TBC1D12: variants seen among roughly 807,000 people sequenced by gnomAD.
The protein encoded by TBC1D12 is TBC1 domain family member 12, also known as TBC1 domain family, member 12.
TBC1D12 carries 56 observed loss-of-function variants against 86.7 expected under a neutral mutation model. The ratio of observed to expected loss-of-function variants is 0.65; its 90% CI spans 0.52 to 0.81. The LOEUF (loss-of-function observed/expected upper bound fraction) is 0.81. TBC1D12 is among the 30% of genes least tolerant of loss of function. The pLI is 0.00. For missense variants in TBC1D12, 1,023 were observed against 1,038.8 expected, an observed-to-expected ratio of 0.98 and a Z score of 0.21; for synonymous variants, 421 against 411.7, an observed-to-expected ratio of 1.02 and a Z score of -0.27.
At chr10:94,403,878 G>C (rs2054812322) in intron 1 of TBC1D12, among the ~76,000 whole-genome samples, 1 of 152,220 alleles carries the variant, frequency 6.6e-6, no homozygotes, top group South Asian at 2.1e-4. Flanking sequence ...TGAGCAGTCA[G>C]GTTGGGCCAG....
At chr10:94,444,812 A>G (rs994519076) in intron 2 of TBC1D12, among the ~76,000 whole-genome samples, 10 of 150,374 alleles carry the variant, frequency 6.7e-5, no homozygotes, top group Non-Finnish European at 1.3e-4. Flanking sequence ...GCTCACTGCA[A>G]TCTCCGCCAC....
At chr10:94,510,978 CA>C (rs2056519110) in intron 8 of TBC1D12, among the ~76,000 whole-genome samples, 1 of 151,820 alleles carries the variant, frequency 6.6e-6, no homozygotes, top group African/African-American at 2.4e-5. Flanking sequence ...GTGTATTCAT[CA>C]TACCCTTATA....
intron 6 of TBC1D12, among the ~76,000 whole-genome samples, chr10:94,503,064 C>T (rs2056419234): frequency 6.6e-6 from 1 of 152,078 alleles, no homozygotes; most frequent in Non-Finnish European, 1.5e-5. Context: ...CTGTGGCTTT[C>T]TTTCTTCACA....
At chr10:94,443,323 T>G (rs1172063025) in intron 2 of TBC1D12, among the ~76,000 whole-genome samples, 6 of 152,200 alleles carry the variant, frequency 3.9e-5, no homozygotes, top group Admixed American at 3.9e-4. Context: ...ATTTCTTTTT[T>G]CAAGAGACTT....
intron 11 of TBC1D12, among the ~76,000 whole-genome samples, chr10:94,529,595 G>A (rs12571659): frequency 0.2 from 31,110 of 151,940 alleles, 3,326 homozygotes; most frequent in South Asian, 0.34. Flanking sequence ...TCCAGCCTGA[G>A]CAACAAGAGC....
chr10:94,454,230 T>C (rs1374494472), intron 2 of TBC1D12, among the ~76,000 whole-genome samples: 6 of 152,298 alleles, frequency 3.9e-5, no homozygotes, highest in East Asian at 1.9e-4. Context: ...TTGAGTCTTC[T>C]TTTCTTTTGA....
At chr10:94,482,871 C>G (rs1326636726) in intron 3 of TBC1D12, among the ~76,000 whole-genome samples, 1 of 152,026 alleles carries the variant, frequency 6.6e-6, no homozygotes, top group African/African-American at 2.4e-5. Flanking sequence ...AATTGTTTTA[C>G]TTTTTAGCTC....
chr10:94,402,852 A>C lies in TBC1D12; in HGVS notation c.239A>C (p.Gln80Pro), dbSNP rs894935646. 2 of 1,533,676 alleles carry C rather than the reference A, an allele frequency of 1.3e-6. No individual in the cohort carries two copies. The part of the protein sequence containing the change: ...LQRYLAAAGE[Q>P]LEPGLCYCPL... ...CGTTACCTCGCGGCGGCCGGGGAGC[A>C]GCTGGAGCCGGGGCTCTGCTACTGT... The change falls in exon 1 of 13, where the codon CAG becomes CCG. Residue 80 changes from glutamine to proline, a missense_variant. Physicochemically the swap from Gln to Pro is moderately conservative, Grantham distance 76. This residue lies in a region of TBC1D12 where 628 missense variants were observed against 531.1 expected (regional missense o/e 1.18). Coordinates refer to ENST00000225235, the MANE Select transcript of TBC1D12 (RefSeq NM_015188.2).
At position 94,533,036 on chromosome 10, in the gene TBC1D12, A is replaced by G; in HGVS notation, c.2268A>G (p.Ala756=). 2 of 1,572,900 alleles carry G rather than the reference A, an allele frequency of 1.3e-6. No homozygotes were observed. The highest frequency in any genetic ancestry group is 2.3e-5 in the South Asian group (2 of 85,812). Residue 756 remains alanine (A), a synonymous_variant, in exon 13 of 13, where the codon GCA becomes GCG. Coordinates refer to ENST00000225235, the MANE Select transcript of TBC1D12 (RefSeq NM_015188.2). ...TTTTATATAATTTTCAGGTCTTTGC[A>G]TCTGTAATGAAGGATATTAAAGAAG... ...NSTKKWTQVF[A]SVMKDIKEGD...
intron 4 of TBC1D12, among the ~76,000 whole-genome samples, chr10:94,494,462 T>G (rs2056288217): frequency 6.6e-6 from 1 of 152,240 alleles, no homozygotes; most frequent in African/African-American, 2.4e-5. Flanking sequence ...CTAGAAGGTA[T>G]TTAAACATTA....
intron 1 of TBC1D12, among the ~76,000 whole-genome samples, chr10:94,403,994 T>C (rs2054814825): frequency 6.6e-6 from 1 of 150,824 alleles, no homozygotes; most frequent in South Asian, 2.1e-4. Flanking sequence ...GTTGGGGGGG[T>C]GGTGAGGGGA....
chr10:94,519,633 A>G (rs542325219), intron 9 of TBC1D12, among the ~76,000 whole-genome samples: 1 of 152,320 alleles, frequency 6.6e-6, no homozygotes, highest in East Asian at 1.9e-4. Flanking sequence ...GTTTAAGTCA[A>G]AGTATTGGCA....
chr10:94,438,508 C>A (rs2055336263), intron 1 of TBC1D12, among the ~76,000 whole-genome samples: 1 of 152,128 alleles, frequency 6.6e-6, no homozygotes, highest in Admixed American at 6.5e-5. Context: ...CCAGACCAAC[C>A]AAAATGTACA....
chr10:94,436,511 T>C (rs2055299107), intron 1 of TBC1D12, among the ~76,000 whole-genome samples: 1 of 152,172 alleles, frequency 6.6e-6, no homozygotes, highest in Non-Finnish European at 1.5e-5. Flanking sequence ...CTGATGGGAA[T>C]TGGATGAAAT....
chr10:94,464,830 CTA>C (rs377039353), intron 2 of TBC1D12, among the ~76,000 whole-genome samples: 19 of 152,244 alleles, frequency 1.2e-4, no homozygotes, highest in African/African-American at 4.1e-4. Context: ...TGAAAAATGA[CTA>C]TTAAAAAACA....
chr10:94,505,530 A>T (rs538373452), intron 6 of TBC1D12, among the ~76,000 whole-genome samples: 36 of 152,296 alleles, frequency 2.4e-4, no homozygotes, highest in Non-Finnish European at 5.9e-5. Context: ...CTGAGGTCAC[A>T]CCACTGCATT....
At position 94,497,192 on chromosome 10, in the gene TBC1D12, C is replaced by A; in HGVS notation, c.1412+20C>A. 7.2e-7 allele frequency: 1 copy of A among 1,384,150 alleles called. No homozygotes were observed. Among genetic ancestry groups the A allele is most frequent in the Non-Finnish European group, 9.7e-7 (1 of 1,026,084 alleles). The allele number at this position is 1,384,150 out of a possible 1,614,324, so 85.7% of individuals were successfully genotyped here. ...AGTAATGTAAGTAAGCAGACTTTTC[C>A]TAAATTCCCATTTGTCTCCGAAGAT... On this transcript the variant is annotated intron_variant, in intron 5 of 12. Coordinates refer to ENST00000225235, the MANE Select transcript of TBC1D12 (RefSeq NM_015188.2).
At chr10:94,510,409 A>G (rs2056512263) in intron 8 of TBC1D12, among the ~76,000 whole-genome samples, 1 of 152,230 alleles carries the variant, frequency 6.6e-6, no homozygotes, top group Non-Finnish European at 1.5e-5. Context: ...CCTTTTATGT[A>G]GTAGGCACTT....
intron 9 of TBC1D12, among the ~76,000 whole-genome samples, chr10:94,514,637 A>G (rs1385335218): frequency 2.6e-5 from 4 of 152,176 alleles, no homozygotes; most frequent in Non-Finnish European, 4.4e-5. Context: ...TTTTGTATAC[A>G]TACACACACT....
Sources: allele counts gnomAD v4.1 joint callset (sites outside exome capture counted in the v4.1 genomes callset), GRCh38; gene constraint gnomAD v4.1.1; regional missense constraint gnomAD v4.1.1; transcripts MANE v1.5; gene names NCBI Gene and HGNC (gene_info 2026-07-23, HGNC 2026-07-21).